FBXO31: variants seen among roughly 807,000 people sequenced by gnomAD.
FBXO31 encodes F-box protein 31, also known as F-box only protein 31.
A neutral mutation model predicts 54.4 loss-of-function variants in FBXO31; 24 were observed. The observed-to-expected ratio is 0.44, with a 90% confidence interval of 0.32 to 0.62. FBXO31 has a LOEUF of 0.62. Ranked by LOEUF, FBXO31 falls within the 20% of genes least tolerant of loss-of-function variation. FBXO31 has a pLI of 0.05. For synonymous variants in FBXO31, 388 were observed against 335.6 expected (o/e 1.16, Z -1.71); for missense variants, 665 against 787.1 (o/e 0.84, Z 1.86).
chr16:87,350,418 T>C (rs1208695873), intron 2 of FBXO31, among the ~76,000 whole-genome samples: 1 of 152,146 alleles, frequency 6.6e-6, no homozygotes, highest in Non-Finnish European at 1.5e-5. Flanking sequence ...GACACCCCTT[T>C]AGGAACAATC....
At chr16:87,377,072 T>C (rs1192557106) in intron 1 of FBXO31, among the ~76,000 whole-genome samples, 3 of 152,264 alleles carry the variant, frequency 2.0e-5, no homozygotes, top group Non-Finnish European at 4.4e-5. Context: ...GAAAATCTAG[T>C]TGTTTACCAC....
At chr16:87,341,940 G>C (rs148620656) in intron 5 of FBXO31, among the ~76,000 whole-genome samples, 1 of 151,486 alleles carries the variant, frequency 6.6e-6, no homozygotes, top group African/African-American at 2.4e-5. Context: ...GGCCGCGCGC[G>C]ATGGCTCACA....
chr16:87,386,667 G>A (rs1226332634), upstream of FBXO31, among the ~76,000 whole-genome samples: 3 of 152,082 alleles, frequency 2.0e-5, no homozygotes, highest in Non-Finnish European at 4.4e-5. Context: ...TTCCTGACCA[G>A]AGGCGATCCA....
At chr16:87,342,282 T>C (rs1905218769) in intron 5 of FBXO31, among the ~76,000 whole-genome samples, 1 of 152,154 alleles carries the variant, frequency 6.6e-6, no homozygotes, top group South Asian at 2.1e-4. Context: ...TTTGAACTCC[T>C]GACTTTAAGT....
intron 1 of FBXO31, among the ~76,000 whole-genome samples, chr16:87,362,940 G>A (rs1906199796): frequency 6.6e-6 from 1 of 152,272 alleles, no homozygotes; most frequent in Admixed American, 6.5e-5. Flanking sequence ...AAACAGGCCT[G>A]GGGACCAGGA....
intron 4 of FBXO31, among the ~76,000 whole-genome samples, chr16:87,343,236 C>T (rs56175306): frequency 0.014 from 2,182 of 152,358 alleles, 18 homozygotes; most frequent in Non-Finnish European, 0.019. Context: ...CAAGGTGTGG[C>T]AGATGACACG....
chr16:87,331,351 T>G lies in FBXO31; in HGVS notation c.1557A>C (p.Ala519=), dbSNP rs1337072227. 6.2e-7 allele frequency: 1 copy of G among 1,614,010 alleles called. No homozygotes were observed. The highest frequency in any genetic ancestry group is 8.5e-7 in the Non-Finnish European group (1 of 1,180,030). Residue 519 remains alanine, a synonymous_variant, in exon 9 of 9, where the codon GCA becomes GCC. Coordinates refer to ENST00000311635, the MANE Select transcript of FBXO31 (RefSeq NM_024735.5). The stretch of plus-strand genomic sequence containing the variant: ...CGAAGGCCTGTGGGGACGGCGCATC[T>G]GCGTTCCGGAAGGTGGCCTGGACCC... The part of the protein sequence containing the change: ...YSRVQATFRN[A]DAPSPQAFDE...
intron 2 of FBXO31, among the ~76,000 whole-genome samples, chr16:87,348,909 A>G (rs1303970172): frequency 6.6e-6 from 1 of 152,218 alleles, no homozygotes; most frequent in African/African-American, 2.4e-5. Context: ...GAGGGAGTAC[A>G]CCGGAATCCA....
intron 1 of FBXO31, among the ~76,000 whole-genome samples, chr16:87,361,434 C>G (rs1906128434): frequency 6.6e-6 from 1 of 152,182 alleles, no homozygotes; most frequent in Non-Finnish European, 1.5e-5. Context: ...CCACATGGAC[C>G]ACTGCAGCTC....
intron 2 of FBXO31, among the ~76,000 whole-genome samples, chr16:87,357,398 C>T (rs34665216): frequency 4.7e-5 from 7 of 147,754 alleles, no homozygotes; most frequent in Admixed American, 2.1e-4. Flanking sequence ...GGCGTGATCT[C>T]GGCTCACTGC....
At chr16:87,374,339 C>T (rs1490367698) in intron 1 of FBXO31, among the ~76,000 whole-genome samples, 1 of 152,108 alleles carries the variant, frequency 6.6e-6, no homozygotes, top group Non-Finnish European at 1.5e-5. Flanking sequence ...CTTAGCCTAG[C>T]CCACCTTAAA....
At chr16:87,378,713 G>A (rs535626585) in intron 1 of FBXO31, among the ~76,000 whole-genome samples, 2 of 152,298 alleles carry the variant, frequency 1.3e-5, no homozygotes, top group African/African-American at 4.8e-5. Context: ...TGTAATCCCA[G>A]CACTTTGGGA....
At chr16:87,386,083 G>C (rs1282665221), upstream of FBXO31, 1 of 152,208 alleles carries the variant, frequency 6.6e-6, no homozygotes, top group African/African-American at 2.4e-5. Context: ...GCCAGGAAGG[G>C]AGTTTTCAAG....
At chr16:87,373,303 T>A (rs570393333) in intron 1 of FBXO31, among the ~76,000 whole-genome samples, 1 of 151,950 alleles carries the variant, frequency 6.6e-6, no homozygotes, top group South Asian at 2.1e-4. Context: ...TACAAAAAAA[T>A]TAGCCGAGCA....
chr16:87,349,923 A>C (rs568174726), intron 2 of FBXO31, among the ~76,000 whole-genome samples: 11 of 149,084 alleles, frequency 7.4e-5, no homozygotes, highest in South Asian at 6.3e-4. Flanking sequence ...AAAAAAAAAA[A>C]TCCCCTCTAT....
intron 1 of FBXO31, among the ~76,000 whole-genome samples, chr16:87,368,839 G>C (rs1906476768): frequency 6.6e-6 from 1 of 152,058 alleles, no homozygotes; most frequent in Non-Finnish European, 1.5e-5. Flanking sequence ...CGCTCTTGTT[G>C]CCCAGGCCGG....
intron 1 of FBXO31, among the ~76,000 whole-genome samples, chr16:87,362,014 C>T (rs1044603125): frequency 6.6e-6 from 1 of 152,192 alleles, no homozygotes; most frequent in Non-Finnish European, 1.5e-5. Flanking sequence ...GAGTGGGTCC[C>T]CTAATAAATA....
chr16:87,373,327 C>A (rs1177507908), intron 1 of FBXO31, among the ~76,000 whole-genome samples: 1 of 151,986 alleles, frequency 6.6e-6, no homozygotes, highest in African/African-American at 2.4e-5. Flanking sequence ...TGTCGGGTGC[C>A]TGTAGTCCCA....
At position 87,336,150 on chromosome 16, in the gene FBXO31, C is replaced by G. The variant is rs1458887172; in HGVS notation, c.842+5G>C. ...ACCCCAGCACCGAGCAGGAGCCGCA[C>G]TCACTCGTACTGACTGGTGTAGATG... On this transcript the variant is annotated splice_donor_5th_base_variant and intron_variant, in intron 6 of 8. Coordinates refer to ENST00000311635, the MANE Select transcript of FBXO31 (RefSeq NM_024735.5). The surrounding 1 kb of genome is among the most constrained non-coding windows in gnomAD (Gnocchi z 6.5). 6.2e-7 allele frequency: 1 copy of G among 1,612,576 alleles called. No individual in the cohort carries two copies. The highest frequency in any genetic ancestry group is 8.5e-7 in the Non-Finnish European group (1 of 1,178,626).
Sources: gnomAD v4.1 joint callset for allele counts (sites outside exome capture counted in the v4.1 genomes callset) on GRCh38, gnomAD v4.1.1 for gene constraint, Gnocchi (gnomAD v3.1) non-coding constraint, MANE v1.5 for transcripts, NCBI Gene and HGNC (gene_info 2026-07-23, HGNC 2026-07-21) for gene names.